Variants in AS3MT observed in about 807,000 individuals in gnomAD.
The protein encoded by AS3MT is arsenite methyltransferase.
AS3MT carries 47 observed loss-of-function variants against 45.3 expected under a neutral mutation model. That is an observed-to-expected ratio of 1.04 (90% CI 0.82 to 1.32). The LOEUF (loss-of-function observed/expected upper bound fraction) is 1.32, where lower values mean the gene tolerates loss of function less well. Ranked by LOEUF, AS3MT falls within the 40% of genes most tolerant of loss-of-function variation. The pLI is 0.00. For missense variants in AS3MT, 396 were observed against 451.1 expected (o/e 0.88, Z 1.11); for synonymous variants, 141 against 152.8 (o/e 0.92, Z 0.57).
intron 9 of AS3MT, among the ~76,000 whole-genome samples, chr10:102,880,870 A>G (rs926373364): frequency 6.6e-6 from 1 of 152,246 alleles, no homozygotes; most frequent in Non-Finnish European, 1.5e-5. Context: ...TCACTGCATC[A>G]ATCCAGAAAT....
At chr10:102,894,572 T>A (rs1845133966) in intron 10 of AS3MT, among the ~76,000 whole-genome samples, 1 of 152,186 alleles carries the variant, frequency 6.6e-6, no homozygotes, top group African/African-American at 2.4e-5. Context: ...AGTTTGGACA[T>A]GCCTCATTAT....
intron 5 of AS3MT, among the ~76,000 whole-genome samples, chr10:102,873,500 G>A (rs1234321717): frequency 1.3e-5 from 2 of 152,046 alleles, no homozygotes; most frequent in African/African-American, 4.8e-5. Context: ...TGGCCAGGCT[G>A]GTCTCAAACT....
At chr10:102,882,967 G>GTGC (rs1485898452) in intron 9 of AS3MT, among the ~76,000 whole-genome samples, 9 of 152,164 alleles carry the variant, frequency 5.9e-5, no homozygotes, top group Admixed American at 5.9e-4. Context: ...GCTCCTTGAT[G>GTGC]TGCTGCCTAT....
chr10:102,870,243 C>G, intron 3 of AS3MT, 32 bp downstream of exon 3: 1 of 1,612,248 alleles, frequency 6.2e-7, no homozygotes, highest in Non-Finnish European at 8.5e-7. Context: ...CCAGGAAGAC[C>G]CCAAACAGCA....
At chr10:102,890,395 A>C (rs1845049575) in intron 9 of AS3MT, 149 bp from the exon 10 acceptor site, 1 of 585,974 alleles carries the variant, frequency 1.7e-6, no homozygotes, top group Non-Finnish European at 2.8e-6. Context: ...ACTGTTTCCC[A>C]TAATGGCTGT....
In AS3MT at chr10:102,900,697, C is replaced by A. The variant is rs1287846295; in HGVS notation, c.1125C>A (p.Cys375Ter). The change falls in exon 11 of 11, where the codon TGC (cysteine) becomes TGA (stop). Residue 375 changes from cysteine (C) to a stop codon, truncating the protein, a stop_gained. Transcript: ENST00000369880. LOFTEE classifies it high-confidence loss of function. ...GCTGCTGTGGCACAAAGAAAAGCTG[C>A]TAAATCTATAGCCAACCAGGGGACC... ...AGGCCGTKKS[C>*] The A allele has an allele frequency of 1.2e-6, 2 of 1,613,296 alleles. No homozygotes were observed. The highest frequency in any genetic ancestry group is 1.7e-6 in the Non-Finnish European group (2 of 1,179,258).
At chr10:102,879,635 G>C (rs968821733) in intron 9 of AS3MT, among the ~76,000 whole-genome samples, 2 of 151,816 alleles carry the variant, frequency 1.3e-5, no homozygotes. Context: ...CGGGCGTGGT[G>C]GTGGGTGCCT....
At chr10:102,883,829 A>G (rs752886307) in intron 9 of AS3MT, among the ~76,000 whole-genome samples, 1 of 152,044 alleles carries the variant, frequency 6.6e-6, no homozygotes, top group Non-Finnish European at 1.5e-5. Flanking sequence ...ATGGTGTACA[A>G]TGGGATGTTT....
intron 7 of AS3MT, among the ~76,000 whole-genome samples, chr10:102,877,403 T>C (rs946160294): frequency 4.6e-5 from 7 of 152,188 alleles, no homozygotes; most frequent in African/African-American, 1.7e-4. Context: ...TATTGTGTTC[T>C]TTATTCCTTT....
At chr10:102,897,776 T>A (rs1371138063) in intron 10 of AS3MT, among the ~76,000 whole-genome samples, 4 of 152,052 alleles carry the variant, frequency 2.6e-5, no homozygotes, top group Non-Finnish European at 5.9e-5. Context: ...ACTCTGGCTA[T>A]TTTTTTTAAA....
At chr10:102,884,419 C>A (rs938553311) in intron 9 of AS3MT, among the ~76,000 whole-genome samples, 11 of 151,064 alleles carry the variant, frequency 7.3e-5, no homozygotes, top group Admixed American at 6.6e-4. Flanking sequence ...CCCCCTACCC[C>A]CAGCCCCTGG....
Position 102,878,449 on chromosome 10 carries a change from T to G in AS3MT, c.681T>G (p.Pro227=). The G allele has an allele frequency of 6.2e-7, 1 of 1,614,134 alleles. No individual in the cohort carries two copies. The highest frequency in any genetic ancestry group is 2.2e-5 in the East Asian group (1 of 44,872). Reference sequence around the variant, plus strand: ...TTGCTCAAAAAATTGGGTTCTGCCCTCCACGTTTGGTCACTGCCAATCTCA... The same window carrying G: ...TTGCTCAAAAAATTGGGTTCTGCCCGCCACGTTTGGTCACTGCCAATCTCA... ...AVLAQKIGFC[P]PRLVTANLIT... The change falls in exon 8 of 11, where the codon CCT becomes CCG. Residue 227 remains proline (P), a synonymous_variant. Transcript: ENST00000369880.
In AS3MT at chr10:102,901,248, C is replaced by T. The variant is rs1329018097; in HGVS notation, c.*548C>T. ...TCGGTCTGTTGCCCAGGCTGAAGTG[C>T]AGTGGCCCCATCTCAACTCACTGCA... On this transcript the variant is annotated 3_prime_UTR_variant, in exon 11 of 11. Coordinates refer to ENST00000369880, the MANE Select transcript of AS3MT (RefSeq NM_020682.4). 2 of 151,774 alleles carry T rather than the reference C, an allele frequency of 1.3e-5. No homozygotes were observed. The highest frequency in any genetic ancestry group is 1.5e-5 in the Non-Finnish European group (1 of 67,980). The allele number at this position is 151,774 out of a possible 1,614,324, so 9.4% of individuals were successfully genotyped here.
chr10:102,888,150 A>T, intron 9 of AS3MT: 1 of 156,584 alleles, frequency 6.4e-6, no homozygotes, highest in Non-Finnish European at 1.4e-5. Flanking sequence ...CAAGGTGGGT[A>T]CAGTCAAGAG....
At chr10:102,880,219 AT>A (rs1844852073) in intron 9 of AS3MT, among the ~76,000 whole-genome samples, 1 of 152,202 alleles carries the variant, frequency 6.6e-6, no homozygotes, top group Admixed American at 6.5e-5. Flanking sequence ...GCATAGTAAG[AT>A]TTGTTTTCTC....
rs559312927 is a variant in AS3MT, at chr10:102,878,889, A to T, written c.783A>T (p.Lys261Asn). 3.1e-6 allele frequency: 5 copies of T among 1,613,396 alleles called. No individual in the cohort carries two copies. The Admixed American group carries it at 8.4e-5, about 27-fold the overall frequency. Residue 261 changes from lysine to asparagine, a missense_variant, in exon 9 of 11, where the codon AAA becomes AAT. Physicochemically the swap from Lys to Asn is moderately conservative, Grantham distance 94. Coordinates refer to ENST00000369880, the MANE Select transcript of AS3MT (RefSeq NM_020682.4). ...RFVSATFRLFKHSKTGPTKRC... is the reference protein window; with the variant it reads ...RFVSATFRLFNHSKTGPTKRC... ...TTTCTGCAACATTTCGCCTCTTCAA[A>T]CACTCTAAGACAGGACCAACCAAGA...
rs372921735 is a variant in AS3MT at position 102,869,734 on chromosome 10, T to C, written c.2-71T>C. 387 of 1,612,628 alleles carry C rather than the reference T, an allele frequency of 2.4e-4. 1 individual carries two copies. The African/African-American group carries it at 4.5e-3, about 19-fold the overall frequency. The stretch of plus-strand genomic sequence containing the variant: ...CACCCCTCGGCCCGCTGCCTGCCCT[T>C]TACTGGCCCCCTCCCTCATGCCCGT... On this transcript the variant is annotated intron_variant, in intron 1 of 10. Transcript: ENST00000369880.
chr10:102,892,938 A>G (rs1181626350), intron 10 of AS3MT, among the ~76,000 whole-genome samples: 1 of 151,714 alleles, frequency 6.6e-6, no homozygotes, highest in Non-Finnish European at 1.5e-5. Context: ...CGAGATTGAG[A>G]TGGCGCCACT....
chr10:102,900,805 C>G lies in AS3MT; in HGVS notation c.*105C>G. The G allele has an allele frequency of 2.3e-6, 2 of 862,924 alleles. No individual in the cohort carries two copies. The highest frequency in any genetic ancestry group is 3.0e-5 in the South Asian group (2 of 66,728). 53.5% of individuals were successfully genotyped at this position (862,924 alleles called of 1,614,324 possible). A position where few individuals can be genotyped will look rare whatever the true frequency, so the allele number is the denominator to read the frequency against. On this transcript the variant is annotated 3_prime_UTR_variant, in exon 11 of 11. Transcript: ENST00000369880. ...GACCATAAGAAACAACAAATGGGGC[C>G]GGGCACAGTGGCTCATGCCTATAAT...
Sources: allele counts gnomAD v4.1 joint callset (sites outside exome capture counted in the v4.1 genomes callset), GRCh38; gene constraint gnomAD v4.1.1; transcripts MANE v1.5; gene names NCBI Gene and HGNC (gene_info 2026-07-23, HGNC 2026-07-21).